Variants in USP3 observed in about 807,000 individuals in gnomAD.
USP3 encodes ubiquitin carboxyl-terminal hydrolase 3.
Under a neutral mutation model 72.3 loss-of-function variants are expected in USP3, and 20 were observed. The ratio of observed to expected loss-of-function variants is 0.28; its 90% CI spans 0.19 to 0.40. USP3 has a LOEUF of 0.40. Ranked by LOEUF, USP3 falls within the 10% of genes least tolerant of loss-of-function variation. USP3 has a pLI of 1.00. For missense variants in USP3, 479 were observed against 633.9 expected (o/e 0.76, Z 2.62); for synonymous variants, 222 against 225.3 (o/e 0.99, Z 0.13).
intron 5 of USP3, among the ~76,000 whole-genome samples, chr15:63,557,234 C>G (rs1366905947): frequency 1.3e-5 from 2 of 151,748 alleles, no homozygotes; most frequent in African/African-American, 4.8e-5. Context: ...CCACGCCTGG[C>G]TAATTTTTGT....
intron 1 of USP3, among the ~76,000 whole-genome samples, chr15:63,516,940 T>A (rs1482725391): frequency 6.6e-6 from 1 of 151,872 alleles, no homozygotes; most frequent in Non-Finnish European, 1.5e-5. Flanking sequence ...TTTTTCTTTC[T>A]GGAACTCTTA....
chr15:63,509,739 A>G (rs2065758411), intron 1 of USP3, among the ~76,000 whole-genome samples: 1 of 152,136 alleles, frequency 6.6e-6, no homozygotes, highest in South Asian at 2.1e-4. Flanking sequence ...TCTTAGAGCA[A>G]TCTCAGCTTA....
At position 63,547,888 on chromosome 15, in the gene USP3, G is replaced by GAGAGGCATAGAGAGAGGCAT. The variant is rs1555446527; in HGVS notation, c.285-5823_285-5822insGCATAGAGAGAGGCATAGAG. 2.3e-4 allele frequency among the ~76,000 whole-genome samples: 17 copies of GAGAGGCATAGAGAGAGGCAT among 73,236 alleles called. 1 individual carries two copies. The highest frequency in any genetic ancestry group is 9.1e-4 in the Admixed American group (7 of 7,732). 48.0% of individuals were successfully genotyped at this position (73,236 alleles called of 152,430 possible). A position where few individuals can be genotyped will look rare whatever the true frequency, so the allele number is the denominator to read the frequency against. On this transcript the variant is annotated intron_variant, in intron 3 of 14. Transcript: ENST00000380324. Reference sequence around the variant, plus strand: ...GCATAGAGAGAGAGAGAGAGAGAGAGAGAGAGAGGCATAGAGAGAGGCATA... The same window carrying GAGAGGCATAGAGAGAGGCAT: ...GCATAGAGAGAGAGAGAGAGAGAGAGAGAGGCATAGAGAGAGGCATAGAGAGAGGCATAGAGAGAGGCATA...
chr15:63,590,866 A>C lies in USP3; in HGVS notation c.*40A>C, dbSNP rs761176505. On this transcript the variant is annotated 3_prime_UTR_variant, in exon 15 of 15. Coordinates refer to ENST00000380324, the MANE Select transcript of USP3 (RefSeq NM_006537.4). Reference sequence around the variant, plus strand: ...CATCATTCACCAACCATACCAGAGAAACATTTCCAGTTTTCCACAAATACT... The same window carrying C: ...CATCATTCACCAACCATACCAGAGACACATTTCCAGTTTTCCACAAATACT... 6.4e-7 allele frequency: 1 copy of C among 1,557,320 alleles called. No individual in the cohort carries two copies. Among genetic ancestry groups the C allele is most frequent in the South Asian group, 1.2e-5 (1 of 83,410 alleles).
At chr15:63,547,884 GAGAGAGAGAGAGGCAT>G (rs1224458941) in intron 3 of USP3, among the ~76,000 whole-genome samples, 1 of 94,550 alleles carries the variant, frequency 1.1e-5, no homozygotes, top group African/African-American at 4.4e-5. Context: ...GAGAGAGAGA[GAGAGAGAGAGAGGCAT>G]AGAGAGAGGC....
rs1039378812 is a variant in USP3, at chr15:63,593,224, T to G, written c.*2398T>G. The stretch of plus-strand genomic sequence containing the variant: ...GGTTAAACTGTATGAAACCCTGCTA[T>G]TTGATGAGTTCTGATCTACAAAAAT... On this transcript the variant is annotated 3_prime_UTR_variant, in exon 15 of 15. Transcript: ENST00000380324. 2 of 152,256 alleles carry G rather than the reference T, an allele frequency of 1.3e-5. No individual in the cohort carries two copies. The highest frequency in any genetic ancestry group is 2.9e-5 in the Non-Finnish European group (2 of 68,044). 9.4% of individuals were successfully genotyped at this position (152,256 alleles called of 1,614,324 possible). A position where few individuals can be genotyped will look rare whatever the true frequency, so the allele number is the denominator to read the frequency against.
intron 11 of USP3, among the ~76,000 whole-genome samples, chr15:63,583,346 T>C (rs1199089879): frequency 2.6e-5 from 4 of 152,112 alleles, no homozygotes; most frequent in African/African-American, 9.7e-5. Flanking sequence ...ACAGTGTGGC[T>C]CATGCCTGTA....
chr15:63,504,926 C>T (rs1171393253), intron 1 of USP3, 96 bp downstream of exon 1: 1 of 997,776 alleles, frequency 1.0e-6, no homozygotes, highest in Admixed American at 4.9e-5. Flanking sequence ...CGCGCGGACT[C>T]GGGGAGGGGC....
Position 63,591,877 on chromosome 15 carries a change from A to AAAT in USP3, c.*1053_*1055dup, listed in dbSNP as rs2067207585. 6.6e-6 allele frequency: 1 copy of AAAT among 152,016 alleles called. No homozygotes were observed. The highest frequency in any genetic ancestry group is 2.4e-5 in the African/African-American group (1 of 41,312). The allele number at this position is 152,016 out of a possible 1,614,324, so 9.4% of individuals were successfully genotyped here. On this transcript the variant is annotated 3_prime_UTR_variant, in exon 15 of 15. Transcript: ENST00000380324. ...TATCCTGATTGATAGGACAAGTTGAAAATACTGTTGGAGTAAGTAAGTGGA... is the reference window on the plus strand; with the variant it reads ...TATCCTGATTGATAGGACAAGTTGAAAATAATACTGTTGGAGTAAGTAAGTGGA...
At position 63,593,341 on chromosome 15, in the gene USP3, C is replaced by T. The variant is rs2067237899; in HGVS notation, c.*2515C>T. ...CTCCTTTGATCTTGCAAAGTATCTC[C>T]TATGAATCCGGGCTCTTTTGCTTAG... On this transcript the variant is annotated 3_prime_UTR_variant, in exon 15 of 15. Transcript: ENST00000380324. 1 of 152,200 alleles carries T rather than the reference C, an allele frequency of 6.6e-6. No homozygotes were observed. Among genetic ancestry groups the T allele is most frequent in the Non-Finnish European group, 1.5e-5 (1 of 68,038 alleles). 9.4% of individuals were successfully genotyped at this position (152,200 alleles called of 1,614,324 possible). A position where few individuals can be genotyped will look rare whatever the true frequency, so the allele number is the denominator to read the frequency against.
At position 63,544,676 on chromosome 15, in the gene USP3, A is replaced by T. The variant is rs185670277; in HGVS notation, c.284+7520A>T. ...AAAGATGGAGATGACCGAATGAGGA[A>T]TATTGTTTTGCCATTAAATAAGTGA... On this transcript the variant is annotated intron_variant, in intron 3 of 14. Coordinates refer to ENST00000380324, the MANE Select transcript of USP3 (RefSeq NM_006537.4). This position sits in a 1 kb window ranked among gnomAD's most constrained non-coding sequence, Gnocchi z 4.2. The T allele has an allele frequency of 6.7e-5, 47 of 701,600 alleles. No homozygotes were observed. In the East Asian group the frequency reaches 1.1e-3, roughly 16 times the overall value. The allele number at this position is 701,600 out of a possible 1,614,324, so 43.5% of individuals were successfully genotyped here. A position where few individuals can be genotyped will look rare whatever the true frequency, so the allele number is the denominator to read the frequency against.
At chr15:63,590,048 G>A (rs1485909184) in intron 14 of USP3, among the ~76,000 whole-genome samples, 1 of 152,154 alleles carries the variant, frequency 6.6e-6, no homozygotes, top group African/African-American at 2.4e-5. Flanking sequence ...TGCCTTGCTT[G>A]TTCTTCCCGG....
intron 11 of USP3, among the ~76,000 whole-genome samples, chr15:63,585,762 A>G (rs1400271352): frequency 7.2e-6 from 1 of 139,766 alleles, no homozygotes; most frequent in South Asian, 2.2e-4. Context: ...AGTCCACTTT[A>G]TTTGTTTTTG....
intron 1 of USP3, among the ~76,000 whole-genome samples, chr15:63,506,720 A>G (rs1425049836): frequency 1.3e-5 from 2 of 152,216 alleles, no homozygotes; most frequent in Non-Finnish European, 2.9e-5. Context: ...GATAACAAGA[A>G]TAAACTAGTA....
chr15:63,550,885 G>A (rs775586760), intron 3 of USP3, among the ~76,000 whole-genome samples: 12 of 152,054 alleles, frequency 7.9e-5, no homozygotes, highest in Non-Finnish European at 1.8e-4. Context: ...AGTCAGGCGC[G>A]GTGGCTCACA....
intron 1 of USP3, among the ~76,000 whole-genome samples, chr15:63,511,720 C>G (rs1203757364): frequency 6.6e-6 from 1 of 151,946 alleles, no homozygotes; most frequent in Non-Finnish European, 1.5e-5. Context: ...CATTTTGTTT[C>G]TGTTAGAGAA....
At chr15:63,531,321 A>G (rs903615849) in intron 1 of USP3, among the ~76,000 whole-genome samples, 1 of 152,196 alleles carries the variant, frequency 6.6e-6, no homozygotes, top group Non-Finnish European at 1.5e-5. Flanking sequence ...CAGTGAAGAA[A>G]AAAACATTGA....
intron 9 of USP3, among the ~76,000 whole-genome samples, chr15:63,571,538 T>C (rs1483951305): frequency 1.3e-5 from 2 of 152,188 alleles, no homozygotes; most frequent in African/African-American, 4.8e-5. Context: ...CCTGGGAGAA[T>C]TGTTCTTCCT....
chr15:63,515,015 A>G (rs923537631), intron 1 of USP3, among the ~76,000 whole-genome samples: 1 of 152,202 alleles, frequency 6.6e-6, no homozygotes, highest in African/African-American at 2.4e-5. Flanking sequence ...TATTTTTGAA[A>G]CAATTTGAGC....
Sources: allele counts gnomAD v4.1 joint callset (sites outside exome capture counted in the v4.1 genomes callset), GRCh38; gene constraint gnomAD v4.1.1; non-coding constraint Gnocchi (gnomAD v3.1); transcripts MANE v1.5; gene names NCBI Gene and HGNC (gene_info 2026-07-23, HGNC 2026-07-21).